FHAD1: variants seen among roughly 807,000 people sequenced by gnomAD.
The protein encoded by FHAD1 is forkhead associated phosphopeptide binding domain 1.
A neutral mutation model predicts 191.3 loss-of-function variants in FHAD1; 146 were observed. The observed-to-expected ratio is 0.76, with a 90% CI of 0.67 to 0.88. The LOEUF (loss-of-function observed/expected upper bound fraction) is 0.88, where lower values mean the gene tolerates loss of function less well. Among genes scored for constraint, FHAD1 ranks in the 40% least tolerant of loss-of-function variants. The pLI is 0.00. For missense variants in FHAD1, 1,635 were observed against 1,785.8 expected (o/e 0.92, Z 1.52); for synonymous variants, 616 against 672.3 (o/e 0.92, Z 1.29).
intron 32 of FHAD1, among the ~76,000 whole-genome samples, chr1:15,390,397 G>T (rs973771866): frequency 3.3e-5 from 5 of 150,208 alleles, no homozygotes; most frequent in African/African-American, 1.2e-4. Context: ...CCAGATTTCT[G>T]GCTTCTTTGG....
intron 31 of FHAD1, among the ~76,000 whole-genome samples, chr1:15,386,932 G>A (rs746219022): frequency 6.7e-6 from 1 of 149,852 alleles, no homozygotes; most frequent in Non-Finnish European, 1.5e-5. Flanking sequence ...GCACAATCTC[G>A]GCTCACTGCA....
At chr1:15,299,886 GCACT>G (rs1466417162) in intron 5 of FHAD1, among the ~76,000 whole-genome samples, 1 of 152,222 alleles carries the variant, frequency 6.6e-6, no homozygotes, top group African/African-American at 2.4e-5. Context: ...GTTGCCACAA[GCACT>G]CACAGGGACC....
intron 28 of FHAD1, among the ~76,000 whole-genome samples, chr1:15,379,584 G>A (rs1700438350): frequency 1.3e-5 from 2 of 152,184 alleles, no homozygotes; most frequent in East Asian, 1.9e-4. Context: ...CTGGCTGGGG[G>A]ACGGTCAGGT....
At chr1:15,255,946 G>T (rs891841059) in intron 2 of FHAD1, among the ~76,000 whole-genome samples, 3 of 145,180 alleles carry the variant, frequency 2.1e-5, no homozygotes, top group African/African-American at 5.4e-5. Flanking sequence ...CAAGTGGAAG[G>T]CCTGCCTGTT....
chr1:15,247,640 C>A (rs543670336), intron 1 of FHAD1, among the ~76,000 whole-genome samples: 2 of 152,260 alleles, frequency 1.3e-5, no homozygotes, highest in African/African-American at 2.4e-5. Context: ...ACCAGCCATG[C>A]CACTCTGGGA....
At chr1:15,308,503 C>A (rs1335085391) in intron 6 of FHAD1, 110 bp from the exon 7 acceptor site, 2 of 1,448,378 alleles carry the variant, frequency 1.4e-6, no homozygotes, top group Non-Finnish European at 1.8e-6. Flanking sequence ...GTTTCCCCAA[C>A]ACCCCAGCCA....
At position 15,345,413 on chromosome 1, in the gene FHAD1, C is replaced by T; in HGVS notation, c.2239-3C>T. The T allele has an allele frequency of 2.6e-6, 4 of 1,551,858 alleles. No individual in the cohort carries two copies. Among genetic ancestry groups the T allele is most frequent in the Non-Finnish European group, 3.5e-6 (4 of 1,146,684 alleles). Reference sequence around the variant, plus strand: ...GTCTATTGAACAATGATCGTTGACTCAGGCTTTGGCGAAAAGCATTACCCA... The same window carrying T: ...GTCTATTGAACAATGATCGTTGACTTAGGCTTTGGCGAAAAGCATTACCCA... On this transcript the variant is annotated splice_region_variant and splice_polypyrimidine_tract_variant and intron_variant, in intron 17 of 33. Transcript: ENST00000688493.
intron 1 of FHAD1, among the ~76,000 whole-genome samples, chr1:15,240,893 G>A (rs1645271440): frequency 6.8e-6 from 1 of 148,044 alleles, no homozygotes; most frequent in Non-Finnish European, 1.5e-5. Flanking sequence ...GGAGGCAGAG[G>A]TTGCAGTGAG....
chr1:15,236,650 T>C (rs1157328718), exon 1 of FHAD1, among the ~76,000 whole-genome samples: 1 of 152,260 alleles, frequency 6.6e-6, no homozygotes, highest in Non-Finnish European at 1.5e-5. Flanking sequence ...GGGACCATTA[T>C]ACAGAGATTC....
chr1:15,252,103 CT>C (rs1217667010), intron 2 of FHAD1, among the ~76,000 whole-genome samples: 1 of 152,196 alleles, frequency 6.6e-6, no homozygotes, highest in Non-Finnish European at 1.5e-5. Flanking sequence ...CGCTCCCATC[CT>C]TTGCTGAACG....
At chr1:15,275,001 C>T (rs1056854808) in intron 3 of FHAD1, among the ~76,000 whole-genome samples, 6 of 151,808 alleles carry the variant, frequency 4.0e-5, no homozygotes, top group South Asian at 2.1e-4. Context: ...CTCACTCTGT[C>T]GCCCAGGCTG....
chr1:15,397,177 C>G (rs921776475), intron 33 of FHAD1, 120 bp from the exon 34 acceptor site: 2 of 469,054 alleles, frequency 4.3e-6, no homozygotes, highest in Non-Finnish European at 7.5e-6. Context: ...GGCGATAGAG[C>G]GAGACTCCGT....
chr1:15,319,119 C>T (rs572015349), intron 10 of FHAD1, among the ~76,000 whole-genome samples: 44 of 152,192 alleles, frequency 2.9e-4, no homozygotes, highest in African/African-American at 9.9e-4. Context: ...TGTGAGACAC[C>T]ACGCCCAACC....
intron 2 of FHAD1, among the ~76,000 whole-genome samples, chr1:15,266,752 C>T (rs536565453): frequency 1.3e-5 from 2 of 152,208 alleles, no homozygotes; most frequent in South Asian, 4.1e-4. Context: ...TCAACACAGC[C>T]CCCCACCTTC....
chr1:15,368,696 T>C (rs1399009834), intron 25 of FHAD1, among the ~76,000 whole-genome samples: 1 of 152,088 alleles, frequency 6.6e-6, no homozygotes, highest in Non-Finnish European at 1.5e-5. Context: ...TCCCAGCACT[T>C]TGGGAGGCTG....
intron 6 of FHAD1, among the ~76,000 whole-genome samples, chr1:15,306,360 C>A (rs2101009530): frequency 6.6e-6 from 1 of 152,268 alleles, no homozygotes; most frequent in African/African-American, 2.4e-5. Flanking sequence ...AAATTTGCAG[C>A]CTGATGATGG....
Position 15,313,206 on chromosome 1 carries a change from G to A in FHAD1, c.1170+19G>A, listed in dbSNP as rs769537613. The A allele has an allele frequency of 2.4e-5, 37 of 1,550,936 alleles. No homozygotes were observed. Among genetic ancestry groups the A allele is most frequent in the Non-Finnish European group, 2.6e-5 (30 of 1,146,646 alleles). On this transcript the variant is annotated intron_variant, in intron 8 of 33. Coordinates refer to ENST00000688493, the MANE Select transcript of FHAD1 (RefSeq NM_001391957.1). ...CTCTAGAGTGAGTAAGGATGACTGC[G>A]TCACCTTGTAGCCATCCGGTGAAAA...
intron 23 of FHAD1, chr1:15,363,897 C>A: frequency 2.4e-6 from 1 of 424,876 alleles, no homozygotes; most frequent in South Asian, 1.7e-5. Context: ...AACCACCTGC[C>A]TGACCCTTGC....
intron 32 of FHAD1, among the ~76,000 whole-genome samples, chr1:15,388,658 C>T (rs922525596): frequency 9.2e-5 from 14 of 151,902 alleles, no homozygotes; most frequent in African/African-American, 3.4e-4. Flanking sequence ...GCACTTCTAC[C>T]CCCGCCAAGG....
Sources: allele counts gnomAD v4.1 joint callset (sites outside exome capture counted in the v4.1 genomes callset), GRCh38; gene constraint gnomAD v4.1.1; transcripts MANE v1.5; gene names NCBI Gene and HGNC (gene_info 2026-07-23, HGNC 2026-07-21).